The following KCNQ5 variants were observed in gnomAD, a reference collection of about 807,000 sequenced individuals.
KCNQ5 encodes the protein potassium voltage-gated channel subfamily KQT member 5.
Under a neutral mutation model 98.2 loss-of-function variants are expected in KCNQ5, and 30 were observed. The observed-to-expected ratio is 0.31, with a 90% CI of 0.23 to 0.41. KCNQ5 has a LOEUF of 0.41. KCNQ5 is among the 10% of genes least tolerant of loss of function. KCNQ5 has a pLI of 1.00. For synonymous variants in KCNQ5, 458 were observed against 449.4 expected (o/e 1.02, Z -0.24); for missense variants, 835 against 1,182.5 (o/e 0.71, Z 4.31).
At chr6:72,781,810 G>A (rs1471636871) in intron 1 of KCNQ5, among the ~76,000 whole-genome samples, 5 of 152,138 alleles carry the variant, frequency 3.3e-5, no homozygotes, top group Non-Finnish European at 5.9e-5. Context: ...CCTAGGGGTT[G>A]ACAGAGTCTG....
intron 1 of KCNQ5, among the ~76,000 whole-genome samples, chr6:72,779,406 G>C (rs1460593766): frequency 6.6e-6 from 1 of 152,184 alleles, no homozygotes; most frequent in African/African-American, 2.4e-5. Flanking sequence ...GAGAATGTGT[G>C]TATGTCTCTC....
intron 1 of KCNQ5, among the ~76,000 whole-genome samples, chr6:72,685,179 A>G (rs1478347422): frequency 1.3e-5 from 2 of 152,190 alleles, no homozygotes; most frequent in African/African-American, 2.4e-5. Flanking sequence ...TATTTTATCT[A>G]TTTTAGTAAC....
intron 1 of KCNQ5, among the ~76,000 whole-genome samples, chr6:72,995,335 T>G (rs1025353014): frequency 7.9e-4 from 106 of 133,922 alleles, no homozygotes; most frequent in African/African-American, 3.0e-3. Context: ...GCCATTGCAC[T>G]CCAGCCTAGG....
chr6:72,624,431 G>C (rs1211793152), intron 1 of KCNQ5, among the ~76,000 whole-genome samples: 1 of 150,534 alleles, frequency 6.6e-6, no homozygotes, highest in African/African-American at 2.5e-5. Context: ...TATTCAGAGA[G>C]AGTTAAAGAA....
intron 1 of KCNQ5, among the ~76,000 whole-genome samples, chr6:72,982,879 C>G (rs1412922453): frequency 6.6e-6 from 1 of 152,158 alleles, no homozygotes; most frequent in African/African-American, 2.4e-5. Context: ...GTAACAAAAT[C>G]TCTCAGCATT....
chr6:73,045,445 C>T (rs1181162585), intron 3 of KCNQ5, among the ~76,000 whole-genome samples: 3 of 152,088 alleles, frequency 2.0e-5, no homozygotes, highest in African/African-American at 7.2e-5. Context: ...TCCCCTAAGA[C>T]TCTTCTGTCA....
intron 7 of KCNQ5, among the ~76,000 whole-genome samples, chr6:73,118,252 T>C (rs954411202): frequency 6.6e-6 from 1 of 152,214 alleles, no homozygotes; most frequent in Admixed American, 6.5e-5. Context: ...TCCCTGGTTT[T>C]TGTACGTTAT....
intron 1 of KCNQ5, among the ~76,000 whole-genome samples, chr6:72,815,526 G>A (rs1421626427): frequency 6.6e-6 from 1 of 152,110 alleles, no homozygotes; most frequent in Middle Eastern, 3.2e-3. Flanking sequence ...AAAGGGAAGT[G>A]GAGAGAAATG....
At chr6:72,956,694 C>T (rs1767086251) in intron 1 of KCNQ5, among the ~76,000 whole-genome samples, 1 of 151,740 alleles carries the variant, frequency 6.6e-6, no homozygotes, top group Non-Finnish European at 1.5e-5. Context: ...ACATGAGCTG[C>T]TGTACCCAGC....
chr6:72,905,534 GGTT>G (rs1489553826), intron 1 of KCNQ5, among the ~76,000 whole-genome samples: 6 of 152,292 alleles, frequency 3.9e-5, no homozygotes, highest in Middle Eastern at 3.4e-3. Flanking sequence ...TAGGGCTGAA[GGTT>G]GTTGTTCTGA....
chr6:73,050,513 C>T (rs927085754), intron 3 of KCNQ5, among the ~76,000 whole-genome samples: 2 of 152,122 alleles, frequency 1.3e-5, no homozygotes, highest in African/African-American at 4.8e-5. Flanking sequence ...ATTTTACCTA[C>T]GTATACTGCA....
chr6:72,658,162 C>A (rs546073275), intron 1 of KCNQ5, among the ~76,000 whole-genome samples: 1 of 151,980 alleles, frequency 6.6e-6, no homozygotes, highest in African/African-American at 2.4e-5. Context: ...GAATAAATGC[C>A]CAGGAAGACC....
At chr6:72,924,198 T>C (rs1447350140) in intron 1 of KCNQ5, among the ~76,000 whole-genome samples, 1 of 152,196 alleles carries the variant, frequency 6.6e-6, no homozygotes, top group Non-Finnish European at 1.5e-5. Flanking sequence ...GATCTACCCA[T>C]CATTTTTATA....
chr6:72,710,093 G>T (rs1055961510), intron 1 of KCNQ5, among the ~76,000 whole-genome samples: 1 of 152,128 alleles, frequency 6.6e-6, no homozygotes, highest in African/African-American at 2.4e-5. Flanking sequence ...ATAGGAAAAG[G>T]CCTGGTCTTC....
chr6:72,818,892 A>G (rs1775627360), intron 1 of KCNQ5, among the ~76,000 whole-genome samples: 1 of 151,598 alleles, frequency 6.6e-6, no homozygotes, highest in African/African-American at 2.4e-5. Flanking sequence ...TAAAATTGGC[A>G]TTGTTTTCTA....
intron 3 of KCNQ5, among the ~76,000 whole-genome samples, chr6:73,044,643 A>G (rs1341726890): frequency 5.9e-5 from 9 of 152,190 alleles, no homozygotes; most frequent in Non-Finnish European, 4.4e-5. Flanking sequence ...ATGACTGTTG[A>G]GACTATTTCT....
intron 1 of KCNQ5, among the ~76,000 whole-genome samples, chr6:72,631,822 A>G (rs1324148877): frequency 6.6e-6 from 1 of 152,006 alleles, no homozygotes; most frequent in Non-Finnish European, 1.5e-5. Flanking sequence ...ATAGAGAAGA[A>G]GTTTTTTTAT....
At chr6:72,745,940 C>G (rs899112605) in intron 1 of KCNQ5, among the ~76,000 whole-genome samples, 25 of 152,028 alleles carry the variant, frequency 1.6e-4, no homozygotes, top group African/African-American at 5.8e-4. Flanking sequence ...TTTTTGCCCT[C>G]TGTCTCCCCT....
At chr6:72,959,673 A>G (rs1389814151) in intron 1 of KCNQ5, among the ~76,000 whole-genome samples, 1 of 152,246 alleles carries the variant, frequency 6.6e-6, no homozygotes, top group African/African-American at 2.4e-5. Flanking sequence ...TTCCCCATAA[A>G]TAAATCACAC....
Sources: allele counts gnomAD v4.1 joint callset (sites outside exome capture counted in the v4.1 genomes callset), GRCh38; gene constraint gnomAD v4.1.1; transcripts MANE v1.5; gene names NCBI Gene and HGNC (gene_info 2026-07-23, HGNC 2026-07-21).